RAB40B: variants seen among roughly 807,000 people sequenced by gnomAD.
RAB40B encodes ras-related protein Rab-40B.
In RAB40B, 21 loss-of-function variants were observed where a neutral mutation model predicts 24.0. The observed-to-expected ratio is 0.88, with a 90% confidence interval of 0.62 to 1.26. RAB40B has a LOEUF of 1.26. Among genes scored for constraint, RAB40B ranks in the 50% most tolerant of loss-of-function variants. The pLI is 0.00. For missense variants in RAB40B, 348 were observed against 390.5 expected (o/e 0.89, Z 0.92); for synonymous variants, 167 against 169.8 (o/e 0.98, Z 0.13).
At chr17:82,680,287 T>G (rs1028684203) in intron 1 of RAB40B, among the ~76,000 whole-genome samples, 3 of 152,194 alleles carry the variant, frequency 2.0e-5, no homozygotes, top group African/African-American at 7.2e-5. Context: ...GATCCAGTCC[T>G]GCCCTGGCCC....
chr17:82,695,456 C>T (rs2046599813), intron 1 of RAB40B, among the ~76,000 whole-genome samples: 1 of 151,258 alleles, frequency 6.6e-6, no homozygotes, highest in African/African-American at 2.5e-5. Context: ...TCCCCAAGTG[C>T]TGGGATTACA....
At chr17:82,664,599 A>G in intron 1 of RAB40B, 43 bp from the exon 2 acceptor site, 1 of 1,579,534 alleles carries the variant, frequency 6.3e-7, no homozygotes, top group East Asian at 2.2e-5. Context: ...GGCTGCAGCT[A>G]ACAGGACGCT....
At position 82,657,296 on chromosome 17, in the gene RAB40B, CTTA is replaced by C. The variant is rs2046094236; in HGVS notation, c.*564_*566del. ...TACAGAAAAATATGCATATAAATCA[CTTA>C]TTAATCCCAAAATGTAGTAAATAAC... On this transcript the variant is annotated 3_prime_UTR_variant, in exon 6 of 6. Coordinates refer to ENST00000571995, the MANE Select transcript of RAB40B (RefSeq NM_006822.3). 2.2e-5 allele frequency: 4 copies of C among 182,586 alleles called. No individual in the cohort carries two copies. The highest frequency in any genetic ancestry group is 2.1e-4 in the South Asian group (2 of 9,628). 11.3% of individuals were successfully genotyped at this position (182,586 alleles called of 1,614,324 possible).
intron 1 of RAB40B, among the ~76,000 whole-genome samples, chr17:82,698,136 T>C (rs967902652): frequency 6.6e-6 from 1 of 151,396 alleles, no homozygotes; most frequent in Non-Finnish European, 1.5e-5. Context: ...AGCCGCGGGC[T>C]CCCGCTGCGC....
chr17:82,658,991 C>T (rs1163331656), intron 4 of RAB40B: 13 of 424,746 alleles, frequency 3.1e-5, no homozygotes, highest in South Asian at 1.7e-4. Flanking sequence ...GAGGCTGGAG[C>T]GGTGCAGCCA....
Position 82,658,497 on chromosome 17 carries a change from T to C in RAB40B, c.559A>G (p.Ser187Gly). ...GAATAGCCCCTGGGCCTACCCTTGC[T>C]CGGCCGCCAGAGCCGGTCCATCCCA... is the stretch of plus-strand genomic sequence containing the variant. Reference protein sequence around the residue: ...RHGMDRLWRPSKVLSLQDLCC... With the variant: ...RHGMDRLWRPGKVLSLQDLCC... The change falls in exon 5 of 6, where the codon AGC becomes GGC. Residue 187 changes from serine to glycine, a missense_variant. Ser to Gly is a moderately conservative substitution (Grantham distance 56). Transcript: ENST00000571995. 1 of 1,611,744 alleles carries C rather than the reference T, an allele frequency of 6.2e-7. No individual in the cohort carries two copies.
At chr17:82,660,281 G>A (rs867317636) in intron 3 of RAB40B, among the ~76,000 whole-genome samples, 29 of 150,456 alleles carry the variant, frequency 1.9e-4, no homozygotes, top group Admixed American at 6.0e-4. Context: ...AAGCACACAC[G>A]TACACATTAC....
At chr17:82,695,013 T>C (rs557654684) in intron 1 of RAB40B, among the ~76,000 whole-genome samples, 10 of 151,874 alleles carry the variant, frequency 6.6e-5, no homozygotes, top group African/African-American at 1.9e-4. Flanking sequence ...GAGCACTGAC[T>C]GTATTTAAAT....
Position 82,657,075 on chromosome 17 carries a change from G to C in RAB40B, c.*788C>G, listed in dbSNP as rs1568025888. ...GAACCGGTCGCCAACTCTACCAAGA[G>C]AGAAACAACTATACATTTTATTGTT... On this transcript the variant is annotated 3_prime_UTR_variant, in exon 6 of 6. Coordinates refer to ENST00000571995, the MANE Select transcript of RAB40B (RefSeq NM_006822.3). 6.6e-6 allele frequency: 1 copy of C among 152,500 alleles called. No individual in the cohort carries two copies. Among genetic ancestry groups the C allele is most frequent in the Non-Finnish European group, 1.5e-5 (1 of 68,154 alleles). The allele number at this position is 152,500 out of a possible 1,614,324, so 9.4% of individuals were successfully genotyped here. A position where few individuals can be genotyped will look rare whatever the true frequency, so the allele number is the denominator to read the frequency against.
In RAB40B at chr17:82,675,212, C is replaced by T. The variant is rs1006795441; in HGVS notation, c.143-10656G>A. ...AATAAACAAGAACTGGAAATAAAAT[C>T]GAACTCAGTGATAATGATTTCATTA... On this transcript the variant is annotated intron_variant, in intron 1 of 5. Transcript: ENST00000571995. The surrounding 1 kb of genome is among the most constrained non-coding windows in gnomAD (Gnocchi z 4.5). Among the ~76,000 whole-genome samples the T allele has an allele frequency of 2.0e-5, 3 of 152,188 alleles. No individual in the cohort carries two copies. Among genetic ancestry groups the T allele is most frequent in the Non-Finnish European group, 4.4e-5 (3 of 68,040 alleles).
Position 82,677,015 on chromosome 17 carries a change from C to T in RAB40B, c.143-12459G>A, listed in dbSNP as rs189109598. On this transcript the variant is annotated intron_variant, in intron 1 of 5. Transcript: ENST00000571995. Reference sequence around the variant, plus strand: ...CCAGGCTGGAGTGCAGTGGCACGATCTCGGCTCACCGCAAGCTCCACCTCC... The same window carrying T: ...CCAGGCTGGAGTGCAGTGGCACGATTTCGGCTCACCGCAAGCTCCACCTCC... Among the ~76,000 whole-genome samples, 272 of 152,034 alleles carry T rather than the reference C, an allele frequency of 1.8e-3. 1 individual carries two copies. Among genetic ancestry groups the T allele is most frequent in the Non-Finnish European group, 9.4e-4 (64 of 68,002 alleles).
At chr17:82,661,089 T>C in intron 2 of RAB40B, 42 bp from the exon 3 acceptor site, 1 of 1,608,106 alleles carries the variant, frequency 6.2e-7, no homozygotes, top group Admixed American at 1.7e-5. Flanking sequence ...AACCAGTGCT[T>C]CTTCCTGACA....
At chr17:82,688,337 G>T (rs1024045958) in intron 1 of RAB40B, among the ~76,000 whole-genome samples, 2 of 152,010 alleles carry the variant, frequency 1.3e-5, no homozygotes, top group East Asian at 4.0e-4. Flanking sequence ...GTTTTGGGCC[G>T]GGCACGGTAG....
At chr17:82,691,107 C>A (rs369337904) in intron 1 of RAB40B, among the ~76,000 whole-genome samples, 1 of 152,186 alleles carries the variant, frequency 6.6e-6, no homozygotes, top group Non-Finnish European at 1.5e-5. Context: ...GTCCACGCAC[C>A]GTGTAGTCTT....
At chr17:82,681,383 A>G (rs1429661339) in intron 1 of RAB40B, among the ~76,000 whole-genome samples, 2 of 152,222 alleles carry the variant, frequency 1.3e-5, no homozygotes. Flanking sequence ...GTCTGGGAGA[A>G]GTCTCCTAAT....
intron 1 of RAB40B, among the ~76,000 whole-genome samples, chr17:82,693,984 G>A (rs968978024): frequency 1.3e-5 from 2 of 151,000 alleles, no homozygotes; most frequent in Admixed American, 6.6e-5. Context: ...TCAGGAGGCT[G>A]AGACAGGAAA....
intron 1 of RAB40B, among the ~76,000 whole-genome samples, chr17:82,684,262 C>A (rs562229298): frequency 6.6e-6 from 1 of 150,960 alleles, no homozygotes; most frequent in South Asian, 2.1e-4. Context: ...CCACTGCACA[C>A]CCATGAGTGG....
At chr17:82,683,239 TTG>T (rs965800707) in intron 1 of RAB40B, among the ~76,000 whole-genome samples, 5 of 152,314 alleles carry the variant, frequency 3.3e-5, no homozygotes, top group Middle Eastern at 3.4e-3. Flanking sequence ...AAGAAAATCT[TTG>T]TGACTTTGGG....
At chr17:82,687,798 G>A (rs11656597) in intron 1 of RAB40B, among the ~76,000 whole-genome samples, 29,672 of 152,154 alleles carry the variant, frequency 0.2, 3,126 homozygotes, top group Middle Eastern at 0.28. Flanking sequence ...CCAGCCAGGC[G>A]CGGTGGCTCA....
Sources: gnomAD v4.1 joint callset for allele counts (sites outside exome capture counted in the v4.1 genomes callset) on GRCh38, gnomAD v4.1.1 for gene constraint, Gnocchi (gnomAD v3.1) non-coding constraint, MANE v1.5 for transcripts, NCBI Gene and HGNC (gene_info 2026-07-23, HGNC 2026-07-21) for gene names.